Variants in PTPRN2 observed in about 807,000 individuals in gnomAD.
The protein encoded by PTPRN2 is protein tyrosine phosphatase receptor type N2.
A neutral mutation model predicts 118.8 loss-of-function variants in PTPRN2; 74 were observed. The ratio of observed to expected loss-of-function variants is 0.62; its 90% CI spans 0.52 to 0.76. PTPRN2 has a LOEUF of 0.76. Among genes scored for constraint, PTPRN2 ranks in the 30% least tolerant of loss-of-function variants. The probability of loss-of-function intolerance (pLI) is 0.00; values close to 1 mark genes in which losing one functional copy is unlikely to be tolerated. For missense variants in PTPRN2, 1,481 were observed against 1,394.4 expected (o/e 1.06, Z -0.99); for synonymous variants, 641 against 608.0 (o/e 1.05, Z -0.80).
intron 11 of PTPRN2, chr7:158,029,493 T>C (rs1203747662): frequency 6.6e-6 from 1 of 152,294 alleles, no homozygotes; most frequent in Non-Finnish European, 1.5e-5. Context: ...GAAAAGCCTT[T>C]AACCGCCTTC....
At chr7:158,150,268 A>G (rs571014676) in intron 6 of PTPRN2, among the ~76,000 whole-genome samples, 1 of 152,356 alleles carries the variant, frequency 6.6e-6, no homozygotes, top group Admixed American at 6.5e-5. Flanking sequence ...TTTTTAAACA[A>G]GTTGAATCCA....
intron 6 of PTPRN2, among the ~76,000 whole-genome samples, chr7:158,140,230 G>A (rs779853446): frequency 1.1e-4 from 16 of 152,214 alleles, no homozygotes; most frequent in East Asian, 1.9e-4. Context: ...CCTCCTCACC[G>A]CGTCCAGGAA....
chr7:158,587,152 G>A (rs1039769373), intron 1 of PTPRN2, among the ~76,000 whole-genome samples: 1 of 12,334 alleles, frequency 8.1e-5, no homozygotes, highest in Non-Finnish European at 1.7e-4. Flanking sequence ...CTCCCCACCC[G>A]CCCCGTCACT....
rs139305215 is a variant in PTPRN2 at position 158,328,318 on chromosome 7, G to A, written c.164-11386C>T. On this transcript the variant is annotated intron_variant, in intron 2 of 22. Coordinates refer to ENST00000389418, the MANE Select transcript of PTPRN2 (RefSeq NM_002847.5). The stretch of plus-strand genomic sequence containing the variant: ...AGGAGCCGTTGGATCCGTGGGCTGC[G>A]TCCAAGGCAGGACTGCTGTGAAGTC... 2.3e-3 allele frequency among the ~76,000 whole-genome samples: 355 copies of A among 152,324 alleles called. 5 individuals carry two copies. The highest frequency in any genetic ancestry group is 7.7e-3 in the African/African-American group (321 of 41,570).
Position 157,550,632 on chromosome 7 carries a change from C to A in PTPRN2, c.2903-1613G>T, listed in dbSNP as rs1028642779. On this transcript the variant is annotated intron_variant, in intron 21 of 22. Transcript: ENST00000389418. The surrounding 1 kb of genome is among the most constrained non-coding windows in gnomAD (Gnocchi z 5.2). ...GATGGGAGCCACTGTCGGGGCTAAGCTGGCCGTCCCTCCAGCTCCCATCCC... is the reference window on the plus strand; with the variant it reads ...GATGGGAGCCACTGTCGGGGCTAAGATGGCCGTCCCTCCAGCTCCCATCCC... 2.4e-4 allele frequency among the ~76,000 whole-genome samples: 36 copies of A among 152,224 alleles called. No individual in the cohort carries two copies. Among genetic ancestry groups the A allele is most frequent in the African/African-American group, 8.2e-4 (34 of 41,460 alleles).
At position 157,851,849 on chromosome 7, in the gene PTPRN2, A is replaced by G. The variant is rs544187921; in HGVS notation, c.1788+46824T>C. On this transcript the variant is annotated intron_variant, in intron 12 of 22. Transcript: ENST00000389418. ...TCTTTTCTGTTTCTCTTTGGCACAA[A>G]GCCTCAGCGCTCCCGCGCCTGCCCT... Among the ~76,000 whole-genome samples, 67 of 152,324 alleles carry G rather than the reference A, an allele frequency of 4.4e-4. 1 individual carries two copies. Among genetic ancestry groups the G allele is most frequent in the African/African-American group, 1.6e-3 (65 of 41,586 alleles).
chr7:157,871,359 G>A (rs1811035252), intron 12 of PTPRN2, among the ~76,000 whole-genome samples: 1 of 152,196 alleles, frequency 6.6e-6, no homozygotes, highest in South Asian at 2.1e-4. Context: ...GCTGACATAT[G>A]AGAACTGTGG....
intron 11 of PTPRN2, among the ~76,000 whole-genome samples, chr7:157,955,509 C>A (rs1205041748): frequency 6.6e-6 from 1 of 152,144 alleles, no homozygotes; most frequent in Non-Finnish European, 1.5e-5. Flanking sequence ...GCACCGCAGG[C>A]CCATCACAGA....
chr7:158,547,605 A>G (rs1321768702), intron 1 of PTPRN2, among the ~76,000 whole-genome samples: 1 of 152,216 alleles, frequency 6.6e-6, no homozygotes, highest in East Asian at 1.9e-4. Context: ...TTCAAGGGAA[A>G]GGGGCCTGTT....
At chr7:158,479,551 T>C (rs947086242) in intron 2 of PTPRN2, among the ~76,000 whole-genome samples, 1 of 152,246 alleles carries the variant, frequency 6.6e-6, no homozygotes, top group East Asian at 1.9e-4. Context: ...GACGCAGAGC[T>C]GTTCTGTTTT....
At chr7:157,792,864 G>C (rs924507945) in intron 12 of PTPRN2, among the ~76,000 whole-genome samples, 1 of 152,168 alleles carries the variant, frequency 6.6e-6, no homozygotes, top group African/African-American at 2.4e-5. Context: ...GTGTGCAATC[G>C]ATGGGCACTG....
intron 6 of PTPRN2, among the ~76,000 whole-genome samples, chr7:158,149,481 G>T (rs1585633258): frequency 6.6e-6 from 1 of 151,672 alleles, no homozygotes; most frequent in Non-Finnish European, 1.5e-5. Context: ...CTCTAACAAA[G>T]GCAATCCAAT....
intron 17 of PTPRN2, among the ~76,000 whole-genome samples, chr7:157,593,224 G>C (rs1418048263): frequency 6.6e-6 from 1 of 151,056 alleles, no homozygotes; most frequent in African/African-American, 2.4e-5. Context: ...CTACTGAACC[G>C]AGGGTGGATG....
At chr7:158,381,951 G>A (rs1470748435) in intron 2 of PTPRN2, among the ~76,000 whole-genome samples, 1 of 152,130 alleles carries the variant, frequency 6.6e-6, no homozygotes, top group Non-Finnish European at 1.5e-5. Flanking sequence ...CCACTCCCAT[G>A]ATTCAAGTGC....
At chr7:158,173,873 C>T (rs1823941144) in intron 5 of PTPRN2, among the ~76,000 whole-genome samples, 1 of 152,204 alleles carries the variant, frequency 6.6e-6, no homozygotes, top group Non-Finnish European at 1.5e-5. Flanking sequence ...GGCAGTCAGA[C>T]CTTAATGTTA....
At chr7:158,030,802 T>G (rs1807632705) in intron 11 of PTPRN2, 1 of 152,334 alleles carries the variant, frequency 6.6e-6, no homozygotes, top group African/African-American at 2.4e-5. Flanking sequence ...CTGGAGAGCT[T>G]TGCACTGTTC....
chr7:158,291,615 C>A (rs904651717), intron 3 of PTPRN2, among the ~76,000 whole-genome samples: 1 of 152,056 alleles, frequency 6.6e-6, no homozygotes, highest in East Asian at 1.9e-4. Context: ...TGAAACTGAC[C>A]CTGGACAGTG....
At chr7:158,495,870 A>T (rs1300852485) in intron 1 of PTPRN2, among the ~76,000 whole-genome samples, 3 of 152,138 alleles carry the variant, frequency 2.0e-5, no homozygotes, top group Non-Finnish European at 2.9e-5. Context: ...CCCAAGGCTC[A>T]AATGAAAGCT....
In PTPRN2 at chr7:158,295,719, A is replaced by G. The variant is rs1800449973; in HGVS notation, c.277+21100T>C. On this transcript the variant is annotated intron_variant, in intron 3 of 22. Coordinates refer to ENST00000389418, the MANE Select transcript of PTPRN2 (RefSeq NM_002847.5). ...GTTCACCTGCCTTTCTGAGGGTCTA[A>G]GCCCACGGTGCCTGCTGACCCTGCC... Among the ~76,000 whole-genome samples the G allele has an allele frequency of 2.0e-5, 3 of 148,614 alleles. No individual in the cohort carries two copies. The South Asian group carries it at 6.4e-4, about 32-fold the overall frequency.
Sources: allele counts gnomAD v4.1 joint callset (sites outside exome capture counted in the v4.1 genomes callset), GRCh38; gene constraint gnomAD v4.1.1; non-coding constraint Gnocchi (gnomAD v3.1); transcripts MANE v1.5; gene names NCBI Gene and HGNC (gene_info 2026-07-23, HGNC 2026-07-21).